The following DYNC1I2 variants were observed in gnomAD, a reference collection of about 807,000 sequenced individuals.
DYNC1I2 encodes dynein cytoplasmic 1 intermediate chain 2, also known as cytoplasmic dynein 1 intermediate chain 2.
DYNC1I2 carries 53 observed loss-of-function variants against 88.6 expected under a neutral mutation model. The observed-to-expected ratio is 0.60, with a 90% CI of 0.48 to 0.75. The LOEUF is 0.75. Ranked by LOEUF, DYNC1I2 falls within the 30% of genes least tolerant of loss-of-function variation. The probability of loss-of-function intolerance (pLI) is 0.00; values close to 1 mark genes in which losing one functional copy is unlikely to be tolerated. For synonymous variants in DYNC1I2, 198 were observed against 254.6 expected (o/e 0.78, Z 2.12); for missense variants, 458 against 766.6 (o/e 0.60, Z 4.75).
chr2:171,710,164 C>G (rs1687011233), intron 5 of DYNC1I2, among the ~76,000 whole-genome samples: 1 of 141,164 alleles, frequency 7.1e-6, no homozygotes, highest in African/African-American at 2.7e-5. Flanking sequence ...CACACACACA[C>G]AGAGTAATAG....
Position 171,725,722 on chromosome 2 carries a change from A to C in DYNC1I2, c.607+9A>C, listed in dbSNP as rs1317527359. 2 of 1,525,366 alleles carry C rather than the reference A, an allele frequency of 1.3e-6. No homozygotes were observed. Among genetic ancestry groups the C allele is most frequent in the Admixed American group, 4.4e-5 (2 of 45,946 alleles). The allele number at this position is 1,525,366 out of a possible 1,614,324, so 94.5% of individuals were successfully genotyped here. A position where few individuals can be genotyped will look rare whatever the true frequency, so the allele number is the denominator to read the frequency against. ...GGAAAATGATAGTAAAGGTATCTTA[A>C]GGAATTAAACTTTAAAACATTTTGT... is the stretch of plus-strand genomic sequence containing the variant. On this transcript the variant is annotated intron_variant, in intron 8 of 17. Transcript: ENST00000397119.
intron 14 of DYNC1I2, 121 bp downstream of exon 14, chr2:171,728,971 G>C: frequency 1.8e-6 from 2 of 1,104,236 alleles, no homozygotes; most frequent in Non-Finnish European, 2.5e-6. Flanking sequence ...CAGATTTTTT[G>C]TGTTCAGGCA....
At chr2:171,688,363 G>C (rs899025346) in intron 1 of DYNC1I2, 2 of 152,188 alleles carry the variant, frequency 1.3e-5, no homozygotes, top group Non-Finnish European at 2.9e-5. Context: ...GCTTCTGTGA[G>C]GATGAGAGGA....
chr2:171,737,516 C>G (rs12471160), intron 15 of DYNC1I2, among the ~76,000 whole-genome samples: 12,804 of 152,250 alleles, frequency 0.084, 821 homozygotes, highest in Admixed American at 0.2. Context: ...CTCCCAGGTT[C>G]AAGCGATTAT....
At chr2:171,710,961 T>G (rs887463081) in intron 5 of DYNC1I2, among the ~76,000 whole-genome samples, 1 of 151,924 alleles carries the variant, frequency 6.6e-6, no homozygotes, top group Non-Finnish European at 1.5e-5. Context: ...GTTGGTGTGC[T>G]GCACTCATTA....
intron 5 of DYNC1I2, among the ~76,000 whole-genome samples, chr2:171,710,771 C>T (rs1687063871): frequency 1.3e-5 from 2 of 149,090 alleles, no homozygotes; most frequent in Admixed American, 6.7e-5. Flanking sequence ...GGCGTGATCT[C>T]GGCTCACTTC....
intron 7 of DYNC1I2, among the ~76,000 whole-genome samples, chr2:171,718,298 T>C (rs1213984584): frequency 6.6e-6 from 1 of 152,138 alleles, no homozygotes; most frequent in African/African-American, 2.4e-5. Flanking sequence ...TTTTTAAAAA[T>C]AGTTTTTTCT....
At chr2:171,720,503 TG>T (rs1209070820) in intron 7 of DYNC1I2, among the ~76,000 whole-genome samples, 1 of 152,076 alleles carries the variant, frequency 6.6e-6, no homozygotes, top group Non-Finnish European at 1.5e-5. Flanking sequence ...GAGGCCGAGG[TG>T]GGGCAGATCA....
chr2:171,705,594 C>T (rs182374536), intron 3 of DYNC1I2, among the ~76,000 whole-genome samples: 17 of 152,180 alleles, frequency 1.1e-4, no homozygotes, highest in African/African-American at 4.1e-4. Flanking sequence ...TTAAGTATTA[C>T]TCTAGTCCTA....
chr2:171,716,408 A>G (rs984361627), intron 7 of DYNC1I2, among the ~76,000 whole-genome samples: 4 of 152,186 alleles, frequency 2.6e-5, no homozygotes. Flanking sequence ...CAATTTTGGA[A>G]TAGAAATTTT....
chr2:171,742,976 C>A (rs1400989568), intron 15 of DYNC1I2, among the ~76,000 whole-genome samples: 1 of 152,096 alleles, frequency 6.6e-6, no homozygotes, highest in Non-Finnish European at 1.5e-5. Flanking sequence ...TACAGTTGAC[C>A]CTTGAATAAT....
In DYNC1I2 at chr2:171,726,294, G is replaced by A. The variant is rs749194010; in HGVS notation, c.870+1G>A. On this transcript the variant is annotated splice_donor_variant, in intron 10 of 17. Coordinates refer to ENST00000397119, the MANE Select transcript of DYNC1I2 (RefSeq NM_001378.3). LOFTEE classifies it high-confidence loss of function. ...TAGTTGTTTGGATTGGTCATCTCAG[G>A]TAAAATATAACAAAATAGGCCGCTC... 1 of 1,601,398 alleles carries A rather than the reference G, an allele frequency of 6.2e-7. No individual in the cohort carries two copies. Among genetic ancestry groups the A allele is most frequent in the Non-Finnish European group, 8.5e-7 (1 of 1,175,256 alleles).
chr2:171,714,549 G>C (rs1352317372), intron 6 of DYNC1I2, among the ~76,000 whole-genome samples: 1 of 152,062 alleles, frequency 6.6e-6, no homozygotes, highest in Non-Finnish European at 1.5e-5. Context: ...ACCAATAAAA[G>C]ATCTCCCAGA....
intron 8 of DYNC1I2, 55 bp downstream of exon 8, chr2:171,725,768 T>TTA: frequency 1.7e-6 from 2 of 1,201,406 alleles, no homozygotes; most frequent in South Asian, 1.4e-5. Context: ...TAAGATTCCT[T>TTA]TTATTATGTA....
rs1038994139 is a variant in DYNC1I2, at chr2:171,749,214, T to C, written c.*1325T>C. Reference sequence around the variant, plus strand: ...AAACTCTGATTCTTGCTGAAGCATCTATGAGAAGTGTGATTTTAGCCAAGT... The same window carrying C: ...AAACTCTGATTCTTGCTGAAGCATCCATGAGAAGTGTGATTTTAGCCAAGT... On this transcript the variant is annotated 3_prime_UTR_variant, in exon 18 of 18. Coordinates refer to ENST00000397119, the MANE Select transcript of DYNC1I2 (RefSeq NM_001378.3). Among the ~76,000 whole-genome samples, 1 of 152,156 alleles carries C rather than the reference T, an allele frequency of 6.6e-6. No homozygotes were observed. Among genetic ancestry groups the C allele is most frequent in the African/African-American group, 2.4e-5 (1 of 41,458 alleles).
Position 171,728,811 on chromosome 2 carries a change from G to A in DYNC1I2, c.1352G>A (p.Ser451Asn). The change falls in exon 14 of 18, where the codon AGT (serine) becomes AAT (asparagine). Residue 451 changes from serine (S) to asparagine (N), a missense_variant. This residue lies in a region of DYNC1I2 where 188 missense variants were observed against 300.4 expected (regional missense o/e 0.63). Coordinates refer to ENST00000397119, the MANE Select transcript of DYNC1I2 (RefSeq NM_001378.3). ...GATGTCAACAACTTTGTTGTTGGGA[G>A]TGAAGAAGGTTCTGTGTACACAGCA... is the stretch of plus-strand genomic sequence containing the variant. ...VGDVNNFVVGSEEGSVYTACR... is the reference protein window; with the variant it reads ...VGDVNNFVVGNEEGSVYTACR... The A allele has an allele frequency of 6.2e-7, 1 of 1,611,230 alleles. No homozygotes were observed. The highest frequency in any genetic ancestry group is 1.7e-5 in the Admixed American group (1 of 59,582).
chr2:171,750,085 A>C lies in DYNC1I2; in HGVS notation c.*2196A>C, dbSNP rs928017410. ...TTTGTCTTTTTGAGTGGAACGTTAA[A>C]GTTTATTACCTTCATGTTAAGGAAT... On this transcript the variant is annotated 3_prime_UTR_variant, in exon 18 of 18. Transcript: ENST00000397119. 2.6e-5 allele frequency among the ~76,000 whole-genome samples: 4 copies of C among 152,170 alleles called. No individual in the cohort carries two copies. The highest frequency in any genetic ancestry group is 9.6e-5 in the African/African-American group (4 of 41,458).
intron 2 of DYNC1I2, among the ~76,000 whole-genome samples, chr2:171,692,469 G>A (rs1685467878): frequency 6.6e-6 from 1 of 152,114 alleles, no homozygotes; most frequent in African/African-American, 2.4e-5. Context: ...ACCATAGACA[G>A]CAATTTCATA....
Position 171,744,155 on chromosome 2 carries a change from G to T in DYNC1I2, c.1643G>T (p.Arg548Ile), listed in dbSNP as rs753971872. ...TTTGCCTGTGTGGATGGCATGGGGA[G>T]ATTGGATTTGTGGAATCTCAATAAT... ...ALFACVDGMG[R>I]LDLWNLNNDT... Residue 548 changes from arginine to isoleucine, a missense_variant, in exon 16 of 18, where the codon AGA (arginine) becomes ATA (isoleucine). Arg to Ile is a moderately conservative substitution (Grantham distance 97). Coordinates refer to ENST00000397119, the MANE Select transcript of DYNC1I2 (RefSeq NM_001378.3). 1 of 1,612,334 alleles carries T rather than the reference G, an allele frequency of 6.2e-7. No individual in the cohort carries two copies. The highest frequency in any genetic ancestry group is 8.5e-7 in the Non-Finnish European group (1 of 1,179,394).
Sources: allele counts gnomAD v4.1 joint callset (sites outside exome capture counted in the v4.1 genomes callset), GRCh38; gene constraint gnomAD v4.1.1; regional missense constraint gnomAD v4.1.1; transcripts MANE v1.5; gene names NCBI Gene and HGNC (gene_info 2026-07-23, HGNC 2026-07-21).